The following IPO11 variants were observed in gnomAD, a reference collection of about 807,000 sequenced individuals.
The protein encoded by IPO11 is importin 11.
In IPO11, 66 loss-of-function variants were observed where a neutral mutation model predicts 143.2. The observed-to-expected ratio is 0.46, with a 90% confidence interval of 0.38 to 0.57. IPO11 has a LOEUF of 0.57. IPO11 is among the 20% of genes least tolerant of loss of function. The pLI is 0.00. For missense variants in IPO11, 1,026 were observed against 1,141.0 expected (o/e 0.90, Z 1.45); for synonymous variants, 385 against 377.8 (o/e 1.02, Z -0.22).
At chr5:62,490,291 G>T in intron 15 of IPO11, 71 bp downstream of exon 15, 2 of 930,086 alleles carry the variant, frequency 2.2e-6, no homozygotes, top group South Asian at 4.2e-5. Context: ...AGACAGGAAG[G>T]CATTAAAATG....
chr5:62,520,639 T>C (rs945494888), intron 20 of IPO11, among the ~76,000 whole-genome samples: 1 of 152,236 alleles, frequency 6.6e-6, no homozygotes, highest in Non-Finnish European at 1.5e-5. Context: ...TTTTCTGTCC[T>C]TGCGATAGTT....
intron 21 of IPO11, 100 bp downstream of exon 21, chr5:62,526,357 A>G: frequency 1.3e-6 from 1 of 757,972 alleles, no homozygotes; most frequent in Non-Finnish European, 2.2e-6. Flanking sequence ...CTTTAAAAAC[A>G]GAAAATGTAA....
At chr5:62,582,428 G>A (rs1314095707) in intron 27 of IPO11, among the ~76,000 whole-genome samples, 1 of 152,212 alleles carries the variant, frequency 6.6e-6, no homozygotes, top group African/African-American at 2.4e-5. Context: ...GCTAGGGAAA[G>A]AAAAGGGGTG....
intron 27 of IPO11, among the ~76,000 whole-genome samples, chr5:62,574,038 A>G (rs1452133799): frequency 1.3e-5 from 2 of 152,212 alleles, no homozygotes; most frequent in African/African-American, 2.4e-5. Context: ...ATTTTATTGT[A>G]GGACTTCTTT....
intron 22 of IPO11, among the ~76,000 whole-genome samples, chr5:62,532,350 C>T (rs554381368): frequency 4.0e-5 from 6 of 151,530 alleles, no homozygotes; most frequent in Middle Eastern, 3.2e-3. Context: ...GGTGGTGGTT[C>T]GTTTGTTTGT....
At chr5:62,526,286 C>A (rs775181544) in intron 21 of IPO11, 29 bp downstream of exon 21, 1 of 1,459,130 alleles carries the variant, frequency 6.9e-7, no homozygotes, top group South Asian at 1.1e-5. Flanking sequence ...TACCATGGAT[C>A]TTATTTTATT....
At position 62,530,731 on chromosome 5, in the gene IPO11, C is replaced by T; in HGVS notation, c.2035C>T (p.Pro679Ser). 1 of 1,612,644 alleles carries T rather than the reference C, an allele frequency of 6.2e-7. No homozygotes were observed. The highest frequency in any genetic ancestry group is 8.5e-7 in the Non-Finnish European group (1 of 1,179,034). Reference sequence around the variant, plus strand: ...TAGGTTAGTAACTTTGGAAAACAGTCCATGTATTACACCAGAGTTGCTTCG... The same window carrying T: ...TAGGTTAGTAACTTTGGAAAACAGTTCATGTATTACACCAGAGTTGCTTCG... ...ELWLVTLENS[P>S]CITPELLRIF... The change falls in exon 22 of 30, where the codon CCA becomes TCA. Residue 679 changes from proline to serine, a missense_variant. By Grantham distance (74) the Pro-to-Ser change is moderately conservative. Transcript: ENST00000325324.
intron 22 of IPO11, among the ~76,000 whole-genome samples, chr5:62,531,395 G>A (rs1406125096): frequency 6.6e-6 from 1 of 152,080 alleles, no homozygotes; most frequent in Non-Finnish European, 1.5e-5. Flanking sequence ...GGAGTGTAGT[G>A]GTGTGATCTT....
chr5:62,494,566 A>G (rs1036349637), intron 16 of IPO11, among the ~76,000 whole-genome samples: 1 of 151,808 alleles, frequency 6.6e-6, no homozygotes, highest in South Asian at 2.1e-4. Flanking sequence ...TATGGTATTC[A>G]TATATTATTG....
At chr5:62,610,008 C>T (rs1745871922) in intron 29 of IPO11, among the ~76,000 whole-genome samples, 1 of 152,200 alleles carries the variant, frequency 6.6e-6, no homozygotes, top group Non-Finnish European at 1.5e-5. Context: ...TAGGGAAGCA[C>T]TGCCTAGCTC....
At chr5:62,475,149 C>A (rs551334529) in intron 8 of IPO11, among the ~76,000 whole-genome samples, 2 of 151,968 alleles carry the variant, frequency 1.3e-5, no homozygotes, top group African/African-American at 4.8e-5. Context: ...TAAAGCGATC[C>A]GCCCACCTTT....
chr5:62,503,375 A>G (rs937022228), intron 16 of IPO11, among the ~76,000 whole-genome samples: 1 of 145,206 alleles, frequency 6.9e-6, no homozygotes, highest in Non-Finnish European at 1.5e-5. Flanking sequence ...GTATCTACTA[A>G]TATATTAATA....
At chr5:62,435,084 G>GTGTATATATGTA (rs1744129908) in intron 1 of IPO11, among the ~76,000 whole-genome samples, 1 of 51,714 alleles carries the variant, frequency 1.9e-5, no homozygotes, top group Non-Finnish European at 4.2e-5. Flanking sequence ...ATATATATGT[G>GTGTATATATGTA]TATATATGTA....
At chr5:62,588,306 A>T (rs1215381415) in intron 27 of IPO11, among the ~76,000 whole-genome samples, 2 of 151,432 alleles carry the variant, frequency 1.3e-5, no homozygotes, top group Non-Finnish European at 2.9e-5. Flanking sequence ...GGTTCACTGC[A>T]GCCTTGAACT....
At chr5:62,621,309 GA>G (rs1178182733) in intron 29 of IPO11, among the ~76,000 whole-genome samples, 1 of 152,164 alleles carries the variant, frequency 6.6e-6, no homozygotes, top group Non-Finnish European at 1.5e-5. Context: ...TTTGAAGGGC[GA>G]GGGGGAACAG....
chr5:62,451,527 A>T (rs1744923440), intron 4 of IPO11, among the ~76,000 whole-genome samples: 1 of 152,166 alleles, frequency 6.6e-6, no homozygotes, highest in African/African-American at 2.4e-5. Context: ...ATAATTGGGT[A>T]AAGGAGGACC....
chr5:62,556,724 T>A (rs1743587567), intron 26 of IPO11, among the ~76,000 whole-genome samples: 1 of 152,254 alleles, frequency 6.6e-6, no homozygotes, highest in South Asian at 2.1e-4. Context: ...AGAATTTTTT[T>A]TTAAATGAAG....
At position 62,551,235 on chromosome 5, in the gene IPO11, G is replaced by A. The variant is rs533782408; in HGVS notation, c.2359G>A (p.Val787Met). Residue 787 changes from valine to methionine, a missense_variant, in exon 26 of 30, where the codon GTG becomes ATG. Physicochemically the swap from Val to Met is conservative, Grantham distance 21 (BLOSUM62 1). Around this residue, in one of 5 missense-constraint regions of IPO11, gnomAD observed 351 missense variants for 358.9 expected, o/e 0.98. Transcript: ENST00000325324. The stretch of plus-strand genomic sequence containing the variant: ...TTTAATTGTACAGAGGTATCCTGTA[G>A]TGATGTCCACGTATCTTGGAGTTAT... Reference protein sequence around the residue: ...GIIEGERYPVVMSTYLGVMGR... With the variant: ...GIIEGERYPVMMSTYLGVMGR... 6 of 1,597,390 alleles carry A rather than the reference G, an allele frequency of 3.8e-6. No homozygotes were observed. In the East Asian group the frequency reaches 1.3e-4, roughly 36 times the overall value.
chr5:62,459,366 G>C (rs189631018), intron 5 of IPO11, among the ~76,000 whole-genome samples: 1 of 150,054 alleles, frequency 6.7e-6, no homozygotes, highest in Admixed American at 6.6e-5. Context: ...TTCCTTCATT[G>C]ACATTTTTGA....
Sources: allele counts gnomAD v4.1 joint callset (sites outside exome capture counted in the v4.1 genomes callset), GRCh38; gene constraint gnomAD v4.1.1; regional missense constraint gnomAD v4.1.1; transcripts MANE v1.5; gene names NCBI Gene and HGNC (gene_info 2026-07-23, HGNC 2026-07-21).